JMJD1C: variants seen among roughly 807,000 people sequenced by gnomAD.
The protein encoded by JMJD1C is jumonji domain containing 1C.
JMJD1C carries 31 observed loss-of-function variants against 245.3 expected under a neutral mutation model. That is an observed-to-expected ratio of 0.13 (90% CI 0.09 to 0.17). The LOEUF is 0.17. Among genes scored for constraint, JMJD1C ranks in the 10% least tolerant of loss-of-function variants. JMJD1C has a pLI of 1.00. For missense variants in JMJD1C, 2,691 were observed against 3,000.2 expected (o/e 0.90, Z 2.41); for synonymous variants, 1,057 against 1,017.4 (o/e 1.04, Z -0.74).
intron 1 of JMJD1C, among the ~76,000 whole-genome samples, chr10:63,475,507 T>C (rs905075139): frequency 6.6e-6 from 1 of 152,156 alleles, no homozygotes; most frequent in Non-Finnish European, 1.5e-5. Context: ...CCTGCAAAAT[T>C]AGATGATACT....
chr10:63,349,126 A>AAAG (rs71025163), intron 2 of JMJD1C, among the ~76,000 whole-genome samples: 1 of 148,722 alleles, frequency 6.7e-6, no homozygotes, highest in African/African-American at 2.5e-5. Context: ...AAAAAAAAAA[A>AAAG]GCCTTCCCTC....
chr10:63,504,694 T>C (rs555274436), intron 1 of JMJD1C, among the ~76,000 whole-genome samples: 1 of 152,186 alleles, frequency 6.6e-6, no homozygotes, highest in African/African-American at 2.4e-5. Context: ...CTCTCATTTG[T>C]GCACTAAAAA....
At chr10:63,382,481 G>A (rs1447910539) in intron 1 of JMJD1C, among the ~76,000 whole-genome samples, 1 of 152,098 alleles carries the variant, frequency 6.6e-6, no homozygotes, top group Non-Finnish European at 1.5e-5. Context: ...AAAAGCATCT[G>A]ACCAAATTCC....
intron 1 of JMJD1C, among the ~76,000 whole-genome samples, chr10:63,423,497 G>A (rs997201137): frequency 6.6e-6 from 1 of 152,132 alleles, no homozygotes; most frequent in African/African-American, 2.4e-5. Flanking sequence ...TTCCTTTTTA[G>A]GCACCAATGA....
At chr10:63,500,766 T>A (rs1014575376) in intron 1 of JMJD1C, among the ~76,000 whole-genome samples, 1 of 150,496 alleles carries the variant, frequency 6.6e-6, no homozygotes, top group South Asian at 2.2e-4. Flanking sequence ...GATGGATGGA[T>A]GGATGGATGG....
At chr10:63,206,416 C>T (rs569303391) in intron 10 of JMJD1C, among the ~76,000 whole-genome samples, 179 bp downstream of exon 10, 19 of 152,304 alleles carry the variant, frequency 1.2e-4, no homozygotes, top group African/African-American at 4.3e-4. Flanking sequence ...CTCATTTCCT[C>T]TTAAAGGGTA....
intron 2 of JMJD1C, among the ~76,000 whole-genome samples, chr10:63,297,733 C>T (rs1341427918): frequency 6.6e-6 from 1 of 152,168 alleles, no homozygotes; most frequent in Non-Finnish European, 1.5e-5. Context: ...GCAACAGGGC[C>T]GGGCCAGCCC....
intron 8 of JMJD1C, among the ~76,000 whole-genome samples, chr10:63,211,936 C>T (rs762334663): frequency 1.3e-5 from 2 of 150,768 alleles, no homozygotes; most frequent in Non-Finnish European, 2.9e-5. Context: ...TGTCCACTGA[C>T]AGATGAATGG....
chr10:63,439,593 C>T (rs1389192743), intron 1 of JMJD1C, among the ~76,000 whole-genome samples: 2 of 152,100 alleles, frequency 1.3e-5, no homozygotes, highest in Non-Finnish European at 2.9e-5. Context: ...TCTATTGAAC[C>T]ACCTCAGTTT....
chr10:63,271,323 C>G (rs186077581), intron 2 of JMJD1C, among the ~76,000 whole-genome samples: 21 of 150,532 alleles, frequency 1.4e-4, no homozygotes, highest in Non-Finnish European at 2.4e-4. Flanking sequence ...ACTATAGACA[C>G]GCGCCACCGT....
intron 1 of JMJD1C, chr10:63,521,666 G>A (rs542628785): frequency 3.4e-5 from 33 of 977,974 alleles, no homozygotes; most frequent in African/African-American, 1.4e-4. Context: ...GGGAAGGCCT[G>A]GGCCTGGGCG....
At chr10:63,500,750 T>TGGAC (rs1564973299) in intron 1 of JMJD1C, among the ~76,000 whole-genome samples, 3 of 131,886 alleles carry the variant, frequency 2.3e-5, no homozygotes, top group Non-Finnish European at 4.6e-5. Flanking sequence ...GATGGAAGGA[T>TGGAC]GGATGGATGG....
chr10:63,520,965 G>C (rs910771226), intron 1 of JMJD1C, among the ~76,000 whole-genome samples: 2 of 152,174 alleles, frequency 1.3e-5, no homozygotes, highest in African/African-American at 2.4e-5. Flanking sequence ...ATGTGGCCAG[G>C]CACACCTCAA....
At chr10:63,337,618 G>GA (rs1165859401) in intron 2 of JMJD1C, among the ~76,000 whole-genome samples, 3,587 of 75,264 alleles carry the variant, frequency 0.048, 65 homozygotes, top group African/African-American at 0.11. Flanking sequence ...GAAAAGAAAA[G>GA]AAAAGAAAAA....
chr10:63,233,584 GA>G (rs1490999574), intron 3 of JMJD1C, among the ~76,000 whole-genome samples: 1 of 151,880 alleles, frequency 6.6e-6, no homozygotes, highest in African/African-American at 2.4e-5. Flanking sequence ...TCCCCCAAAT[GA>G]AATCTACTTA....
chr10:63,181,421 C>T (rs1369522422), intron 22 of JMJD1C, among the ~76,000 whole-genome samples: 3 of 152,080 alleles, frequency 2.0e-5, no homozygotes, highest in Non-Finnish European at 2.9e-5. Context: ...GAATGATAAT[C>T]TGAGTTACAA....
chr10:63,169,287 T>G (rs1457351395), intron 24 of JMJD1C, among the ~76,000 whole-genome samples: 2 of 152,158 alleles, frequency 1.3e-5, no homozygotes, highest in African/African-American at 4.8e-5. Context: ...CAAACTGACT[T>G]TGCACTTGAC....
chr10:63,191,241 CCT>C (rs1474515455), intron 16 of JMJD1C, 133 bp from the exon 17 acceptor site: 1 of 647,938 alleles, frequency 1.5e-6, no homozygotes, highest in East Asian at 2.8e-5. Flanking sequence ...AAGTGGTTCT[CCT>C]GTCTCAGCTT....
At position 63,214,080 on chromosome 10, in the gene JMJD1C, A is replaced by G; in HGVS notation, c.2087T>C (p.Leu696Ser). 6.2e-7 allele frequency: 1 copy of G among 1,614,082 alleles called. No individual in the cohort carries two copies. The change falls in exon 8 of 26, where the codon TTA becomes TCA. Residue 696 changes from leucine to serine, a missense_variant. Transcript: ENST00000399262. Reference protein sequence around the residue: ...FHPIPTRSSTLETTKSPLIID... With the variant: ...FHPIPTRSSTSETTKSPLIID... ...GATAAGAGGACTCTTTGTAGTTTCT[A>G]ATGTACTGCTTCGAGTAGGAATTGG...
Sources: gnomAD v4.1 joint callset for allele counts (sites outside exome capture counted in the v4.1 genomes callset) on GRCh38, gnomAD v4.1.1 for gene constraint, MANE v1.5 for transcripts, NCBI Gene and HGNC (gene_info 2026-07-23, HGNC 2026-07-21) for gene names.